The following CAMK1D variants were observed in gnomAD, a reference collection of about 807,000 sequenced individuals.
The protein encoded by CAMK1D is calcium/calmodulin-dependent protein kinase type 1D.
CAMK1D carries 9 observed loss-of-function variants against 47.7 expected under a neutral mutation model. The observed-to-expected ratio is 0.19, with a 90% confidence interval of 0.11 to 0.33. The LOEUF (loss-of-function observed/expected upper bound fraction) is 0.33, where lower values mean the gene tolerates loss of function less well. CAMK1D is among the 10% of genes least tolerant of loss of function. CAMK1D has a pLI of 1.00. For synonymous variants in CAMK1D, 184 were observed against 184.9 expected (o/e 0.99, Z 0.04); for missense variants, 291 against 488.7 (o/e 0.60, Z 3.81).
intron 2 of CAMK1D, among the ~76,000 whole-genome samples, chr10:12,562,553 C>T (rs1055863748): frequency 4.6e-5 from 7 of 152,180 alleles, no homozygotes; most frequent in Non-Finnish European, 7.3e-5. Context: ...AACGAGCCCC[C>T]GACTTTGTGA....
intron 1 of CAMK1D, among the ~76,000 whole-genome samples, chr10:12,357,083 G>A (rs1837540074): frequency 6.6e-6 from 1 of 152,006 alleles, no homozygotes; most frequent in African/African-American, 2.4e-5. Flanking sequence ...CTCTCCTCTG[G>A]GAGGGCTTAG....
intron 2 of CAMK1D, among the ~76,000 whole-genome samples, chr10:12,596,589 T>C (rs1416511388): frequency 6.6e-6 from 1 of 152,184 alleles, no homozygotes; most frequent in Non-Finnish European, 1.5e-5. Context: ...GGTACCGATT[T>C]CTAGGTAGAG....
At position 12,744,157 on chromosome 10, in the gene CAMK1D, G is replaced by A. The variant is rs527485990; in HGVS notation, c.300-16791G>A. Among the ~76,000 whole-genome samples the A allele has an allele frequency of 2.3e-4, 35 of 152,210 alleles. 2 individuals are homozygous for A. The South Asian group carries it at 7.1e-3, about 31-fold the overall frequency. On this transcript the variant is annotated intron_variant, in intron 3 of 10. Transcript: ENST00000619168. ...GTTTCTCATGTTGTTGTTTGTATCA[G>A]TACTGCGTTTCTTTTTATGGCTAAA...
chr10:12,631,380 A>G (rs1419549625), intron 2 of CAMK1D, among the ~76,000 whole-genome samples: 3 of 152,248 alleles, frequency 2.0e-5, no homozygotes, highest in African/African-American at 4.8e-5. Flanking sequence ...CCCATAGTGC[A>G]TGCCATTCCT....
chr10:12,441,367 T>C (rs2132012785), intron 1 of CAMK1D, among the ~76,000 whole-genome samples: 1 of 152,170 alleles, frequency 6.6e-6, no homozygotes, highest in Middle Eastern at 3.4e-3. Flanking sequence ...TGGCTAGTTT[T>C]TGTATTTTTT....
At chr10:12,557,346 G>C (rs1977437) in intron 2 of CAMK1D, among the ~76,000 whole-genome samples, 2 of 151,848 alleles carry the variant, frequency 1.3e-5, no homozygotes, top group Non-Finnish European at 2.9e-5. Flanking sequence ...TCAGGAGATC[G>C]AGACAATCCT....
chr10:12,420,408 T>G (rs1840010156), intron 1 of CAMK1D, among the ~76,000 whole-genome samples: 1 of 152,268 alleles, frequency 6.6e-6, no homozygotes, highest in Non-Finnish European at 1.5e-5. Flanking sequence ...CTTACTACTT[T>G]ATGAATTATT....
chr10:12,744,237 T>C (rs1835561527), intron 3 of CAMK1D, among the ~76,000 whole-genome samples: 1 of 152,214 alleles, frequency 6.6e-6, no homozygotes, highest in South Asian at 2.1e-4. Flanking sequence ...CATCAATTGA[T>C]AGACATTTGG....
chr10:12,383,585 A>G (rs1042112347), intron 1 of CAMK1D, among the ~76,000 whole-genome samples: 6 of 152,144 alleles, frequency 3.9e-5, no homozygotes, highest in African/African-American at 1.4e-4. Flanking sequence ...TCTCTTTCTT[A>G]CCTAGTACAA....
chr10:12,476,735 C>T (rs942774529), intron 1 of CAMK1D, among the ~76,000 whole-genome samples: 2 of 152,080 alleles, frequency 1.3e-5, no homozygotes, highest in Non-Finnish European at 2.9e-5. Context: ...TCTTTTCTTA[C>T]CCTACTTTGA....
chr10:12,605,505 G>A (rs909754482), intron 2 of CAMK1D, among the ~76,000 whole-genome samples: 3 of 152,086 alleles, frequency 2.0e-5, no homozygotes, highest in Non-Finnish European at 2.9e-5. Flanking sequence ...CCCAGCACCT[G>A]GTGATTCCAG....
intron 3 of CAMK1D, among the ~76,000 whole-genome samples, chr10:12,752,258 A>G (rs967354728): frequency 6.6e-6 from 1 of 152,172 alleles, no homozygotes; most frequent in Non-Finnish European, 1.5e-5. Context: ...CAGCACCCAG[A>G]GTGCTGGGAT....
At position 12,660,369 on chromosome 10, in the gene CAMK1D, A is replaced by G. The variant is rs149609012; in HGVS notation, c.225-6367A>G. On this transcript the variant is annotated intron_variant, in intron 2 of 10. Coordinates refer to ENST00000619168, the MANE Select transcript of CAMK1D (RefSeq NM_153498.4). ...GGAAGATGTTACTCTCACTCCACAG[A>G]AGCACGTGTAGTCAGTAGCAGGCTG... Among the ~76,000 whole-genome samples, 279 of 152,312 alleles carry G rather than the reference A, an allele frequency of 1.8e-3. 1 individual carries two copies. The highest frequency in any genetic ancestry group is 0.017 in the Middle Eastern group (5 of 294).
rs1164557801 is a variant in CAMK1D at position 12,630,387 on chromosome 10, T to TA, written c.225-36349_225-36348insA. Among the ~76,000 whole-genome samples, 176 of 135,184 alleles carry TA rather than the reference T, an allele frequency of 1.3e-3. 1 individual carries two copies. Among genetic ancestry groups the TA allele is most frequent in the Non-Finnish European group, 2.2e-3 (135 of 60,828 alleles). The allele number at this position is 135,184 out of a possible 152,430, so 88.7% of individuals were successfully genotyped here. A position where few individuals can be genotyped will look rare whatever the true frequency, so the allele number is the denominator to read the frequency against. ...TCTTTTTCTTTCTTTTTTTTTTTTT[T>TA]TAAAAAAAAGACAGGATCTCACTCA... On this transcript the variant is annotated intron_variant, in intron 2 of 10. Coordinates refer to ENST00000619168, the MANE Select transcript of CAMK1D (RefSeq NM_153498.4).
intron 5 of CAMK1D, among the ~76,000 whole-genome samples, chr10:12,777,303 T>G (rs976772497): frequency 6.7e-6 from 1 of 150,296 alleles, no homozygotes; most frequent in African/African-American, 2.4e-5. Context: ...GTGCTTCACA[T>G]AGAAGTTATC....
intron 2 of CAMK1D, among the ~76,000 whole-genome samples, chr10:12,612,494 C>T (rs1838661315): frequency 6.6e-6 from 1 of 152,014 alleles, no homozygotes; most frequent in Non-Finnish European, 1.5e-5. Context: ...GCATGAACCA[C>T]CATGCCTGGT....
intron 6 of CAMK1D, among the ~76,000 whole-genome samples, chr10:12,812,978 G>T (rs1034548089): frequency 6.6e-6 from 1 of 152,176 alleles, no homozygotes; most frequent in African/African-American, 2.4e-5. Flanking sequence ...GGTAAAAGTA[G>T]CATTGAAACT....
At chr10:12,355,031 CAG>C (rs138460880) in intron 1 of CAMK1D, among the ~76,000 whole-genome samples, 2,839 of 151,670 alleles carry the variant, frequency 0.019, 91 homozygotes, top group African/African-American at 0.064. Flanking sequence ...TTTGTAGAGA[CAG>C]AGTTTTGCTG....
At chr10:12,612,421 A>G (rs1838658156) in intron 2 of CAMK1D, among the ~76,000 whole-genome samples, 1 of 146,082 alleles carries the variant, frequency 6.8e-6, no homozygotes, top group Admixed American at 7.0e-5. Flanking sequence ...AACTCACTGC[A>G]TCCTCAAACT....
Sources: allele counts gnomAD v4.1 joint callset (sites outside exome capture counted in the v4.1 genomes callset), GRCh38; gene constraint gnomAD v4.1.1; transcripts MANE v1.5; gene names NCBI Gene and HGNC (gene_info 2026-07-23, HGNC 2026-07-21).